The following TNRC18 variants were observed in gnomAD, a reference collection of about 807,000 sequenced individuals.
The protein encoded by TNRC18 is trinucleotide repeat-containing gene 18 protein.
Under a neutral mutation model 226.7 loss-of-function variants are expected in TNRC18, and 69 were observed. That is an observed-to-expected ratio of 0.30 (90% CI 0.25 to 0.37). The LOEUF (loss-of-function observed/expected upper bound fraction) is 0.37. TNRC18 is among the 10% of genes least tolerant of loss of function. The pLI is 1.00. For missense variants in TNRC18, 4,754 were observed against 4,256.6 expected (o/e 1.12, Z -3.25); for synonymous variants, 2,449 against 1,927.6 (o/e 1.27, Z -7.09).
chr7:5,389,308 A>G lies in TNRC18; in HGVS notation c.516T>C (p.Ala172=). The G allele has an allele frequency of 7.8e-7, 1 of 1,283,528 alleles. No homozygotes were observed. The highest frequency in any genetic ancestry group is 3.1e-5 in the East Asian group (1 of 32,708). The allele number at this position is 1,283,528 out of a possible 1,614,324, so 79.5% of individuals were successfully genotyped here. A position where few individuals can be genotyped will look rare whatever the true frequency, so the allele number is the denominator to read the frequency against. Reference sequence around the variant, plus strand: ...GCGCGTGAGAGTGCAGGGAGCCCGGAGCCCCCGCGGTGGGCAGGTAGAAAC... The same window carrying G: ...GCGCGTGAGAGTGCAGGGAGCCCGGGGCCCCCGCGGTGGGCAGGTAGAAAC... ...GDGFYLPTAG[A]PGSLHSHAPS... The change falls in exon 5 of 30, where the codon GCT becomes GCC. Residue 172 remains alanine (A), a synonymous_variant. Transcript: ENST00000430969.
intron 5 of TNRC18, among the ~76,000 whole-genome samples, chr7:5,378,901 C>T (rs1004380947): frequency 2.0e-5 from 3 of 149,100 alleles, no homozygotes; most frequent in African/African-American, 7.4e-5. Flanking sequence ...ATACACATGG[C>T]TAGCCAGGCG....
chr7:5,350,955 C>T (rs558780393), intron 17 of TNRC18, among the ~76,000 whole-genome samples: 2 of 152,270 alleles, frequency 1.3e-5, no homozygotes, highest in East Asian at 3.9e-4. Context: ...AACAGAAATA[C>T]ACGTGAGAAG....
rs887906382 is a variant in TNRC18 at position 5,377,245 on chromosome 7, T to G, written c.2461+126A>C. ...CATTATCATTCCTTCTTCCGACGAATGCGGGAGGCAGGCCCAGGCCCCCCA... is the reference window on the plus strand; with the variant it reads ...CATTATCATTCCTTCTTCCGACGAAGGCGGGAGGCAGGCCCAGGCCCCCCA... On this transcript the variant is annotated intron_variant, in intron 7 of 29. Transcript: ENST00000430969. The surrounding 1 kb of genome is among the most constrained non-coding windows in gnomAD (Gnocchi z 5.8). The G allele has an allele frequency of 4.0e-5, 46 of 1,157,356 alleles. No homozygotes were observed. The South Asian group carries it at 7.3e-4, about 18-fold the overall frequency. 71.7% of individuals were successfully genotyped at this position (1,157,356 alleles called of 1,614,324 possible).
chr7:5,358,251 G>A (rs1275078825), intron 15 of TNRC18, among the ~76,000 whole-genome samples: 1 of 152,164 alleles, frequency 6.6e-6, no homozygotes, highest in Non-Finnish European at 1.5e-5. Flanking sequence ...ATTCCTGCCT[G>A]CATGTCTATC....
In TNRC18 at chr7:5,309,339, C is replaced by T. The variant is rs1378090087; in HGVS notation, c.8418G>A (p.Lys2806=). The T allele has an allele frequency of 3.1e-6, 5 of 1,613,418 alleles. No individual in the cohort carries two copies. Among genetic ancestry groups the T allele is most frequent in the South Asian group, 2.2e-5 (2 of 91,006 alleles). The change falls in exon 28 of 30, where the codon AAG becomes AAA. Residue 2806 remains lysine, a synonymous_variant. Coordinates refer to ENST00000430969, the MANE Select transcript of TNRC18 (RefSeq NM_001080495.3). This position sits in a 1 kb window ranked among gnomAD's most constrained non-coding sequence, Gnocchi z 5.7. ...CGCGCACGATGGCCTTGTAGAAGAG[C>T]TTGCGGGCCTTGCCCTTCATGCCAC... ...QRRGMKGKAR[K]LFYKAIVRGK...
In TNRC18 at chr7:5,308,801, C is replaced by G. The variant is rs1042464568; in HGVS notation, c.8700+74G>C. ...GGGGACAGAGCAGCAGATGCTGAGC[C>G]GGGCCCTGTCTGAGCTGCCCGGAAG... On this transcript the variant is annotated intron_variant, in intron 29 of 29. Transcript: ENST00000430969. 4 of 1,499,960 alleles carry G rather than the reference C, an allele frequency of 2.7e-6. No homozygotes were observed. The African/African-American group carries it at 4.2e-5, about 16-fold the overall frequency. 92.9% of individuals were successfully genotyped at this position (1,499,960 alleles called of 1,614,324 possible).
At chr7:5,417,834 C>A (rs1348786252) in intron 2 of TNRC18, among the ~76,000 whole-genome samples, 4 of 152,172 alleles carry the variant, frequency 2.6e-5, no homozygotes, top group Non-Finnish European at 5.9e-5. Context: ...ATCACTCTGC[C>A]AGCGGTCTTC....
At chr7:5,345,858 G>A (rs1242055876) in intron 17 of TNRC18, 48 bp from the exon 18 acceptor site, 17 of 1,506,350 alleles carry the variant, frequency 1.1e-5, no homozygotes, top group Non-Finnish European at 1.4e-5. Context: ...GCCTTGGCGA[G>A]GGCCACCCCC....
intron 24 of TNRC18, among the ~76,000 whole-genome samples, chr7:5,318,773 G>T (rs755892132): frequency 6.6e-6 from 1 of 152,116 alleles, no homozygotes; most frequent in Non-Finnish European, 1.5e-5. Flanking sequence ...AATGGTGAGG[G>T]GAACTATTTC....
chr7:5,373,205 T>C (rs1794322393), intron 10 of TNRC18, among the ~76,000 whole-genome samples: 2 of 152,084 alleles, frequency 1.3e-5, no homozygotes, highest in African/African-American at 4.8e-5. Flanking sequence ...GTGCCTATGG[T>C]CCCAGCTGCT....
At chr7:5,315,261 G>T (rs1583739765) in intron 25 of TNRC18, 113 bp from the exon 26 acceptor site, 1 of 1,193,798 alleles carries the variant, frequency 8.4e-7, no homozygotes, top group Admixed American at 2.8e-5. Flanking sequence ...ACCGACACCA[G>T]GTGGCTGACC....
In TNRC18 at chr7:5,376,926, G is replaced by A. The variant is rs1298701910; in HGVS notation, c.2529C>T (p.Leu843=). The change falls in exon 8 of 30, where the codon CTC becomes CTT. Residue 843 remains leucine (L), a synonymous_variant. Coordinates refer to ENST00000430969, the MANE Select transcript of TNRC18 (RefSeq NM_001080495.3). ...PAFPPGLGGS[L]PSAYQFVRDP... Reference sequence around the variant, plus strand: ...CCCTGACAAACTGGTAGGCTGACGGGAGGGAGCCCCCCAGGCCAGGTGGGA... The same window carrying A: ...CCCTGACAAACTGGTAGGCTGACGGAAGGGAGCCCCCCAGGCCAGGTGGGA... 1.1e-5 allele frequency: 17 copies of A among 1,602,656 alleles called. No homozygotes were observed. The highest frequency in any genetic ancestry group is 1.4e-5 in the Non-Finnish European group (17 of 1,174,858).
chr7:5,413,959 T>C (rs1323694522), intron 2 of TNRC18, among the ~76,000 whole-genome samples: 1 of 150,114 alleles, frequency 6.7e-6, no homozygotes, highest in Non-Finnish European at 1.5e-5. Context: ...CACTGTCTTA[T>C]TTGTTTTTTT....
chr7:5,346,032 G>A (rs1035315398), intron 17 of TNRC18, among the ~76,000 whole-genome samples: 9 of 152,248 alleles, frequency 5.9e-5, no homozygotes, highest in Non-Finnish European at 1.0e-4. Flanking sequence ...CAGAAAGCCC[G>A]GAGGTGGGCA....
At chr7:5,407,660 G>C (rs1229601984) in intron 2 of TNRC18, among the ~76,000 whole-genome samples, 1 of 152,222 alleles carries the variant, frequency 6.6e-6, no homozygotes, top group East Asian at 1.9e-4. Flanking sequence ...TTTAAATAAA[G>C]GGAATCCCAA....
At chr7:5,367,353 A>C (rs191908614) in intron 11 of TNRC18, among the ~76,000 whole-genome samples, 1 of 152,082 alleles carries the variant, frequency 6.6e-6, no homozygotes, top group Non-Finnish European at 1.5e-5. Context: ...CAACAGAGGG[A>C]GATTCTGTCC....
rs1359437919 is a variant in TNRC18 at position 5,372,511 on chromosome 7, C to T, written c.3230-1147G>A. Among the ~76,000 whole-genome samples the T allele has an allele frequency of 2.0e-5, 3 of 151,274 alleles. No homozygotes were observed. In the South Asian group the frequency reaches 6.2e-4, roughly 31 times the overall value. On this transcript the variant is annotated intron_variant, in intron 10 of 29. Coordinates refer to ENST00000430969, the MANE Select transcript of TNRC18 (RefSeq NM_001080495.3). ...GTGCTGGGATTACAGGCGTGAGCCA[C>T]TGTGCCTGACCTGGAAGACTCCATC...
Position 5,393,880 on chromosome 7 carries a change from A to T in TNRC18, c.343+560T>A, listed in dbSNP as rs553903869. Among the ~76,000 whole-genome samples the T allele has an allele frequency of 2.1e-3, 321 of 151,924 alleles. 1 individual carries two copies. Among genetic ancestry groups the T allele is most frequent in the African/African-American group, 7.5e-3 (311 of 41,436 alleles). On this transcript the variant is annotated intron_variant, in intron 3 of 29. Transcript: ENST00000430969. Reference sequence around the variant, plus strand: ...GCCCCAGGTCCCCCCGCTCTGGGAAATTTTTTTTGTGGAGATGGGGTCTTG... The same window carrying T: ...GCCCCAGGTCCCCCCGCTCTGGGAATTTTTTTTTGTGGAGATGGGGTCTTG...
chr7:5,307,750 GACCTGGGGGC>G lies in TNRC18; in HGVS notation c.*346_*355del. The G allele has an allele frequency of 2.7e-6, 1 of 371,584 alleles. No individual in the cohort carries two copies. Among genetic ancestry groups the G allele is most frequent in the Non-Finnish European group, 5.2e-6 (1 of 192,554 alleles). 23.0% of individuals were successfully genotyped at this position (371,584 alleles called of 1,614,324 possible). On this transcript the variant is annotated 3_prime_UTR_variant, in exon 30 of 30. Coordinates refer to ENST00000430969, the MANE Select transcript of TNRC18 (RefSeq NM_001080495.3). ...CCCCACCGAATCCCCAGTCTGCATGGACCTGGGGGCACCCGGGCCCCCACGCAGCAGCAGC... is the reference window on the plus strand; with the variant it reads ...CCCCACCGAATCCCCAGTCTGCATGGACCCGGGCCCCCACGCAGCAGCAGC...
Sources: allele counts gnomAD v4.1 joint callset (sites outside exome capture counted in the v4.1 genomes callset), GRCh38; gene constraint gnomAD v4.1.1; non-coding constraint Gnocchi (gnomAD v3.1); transcripts MANE v1.5; gene names NCBI Gene and HGNC (gene_info 2026-07-23, HGNC 2026-07-21).